The following KIAA0586 variants were observed in gnomAD, a reference collection of about 807,000 sequenced individuals.
KIAA0586 encodes the protein KIAA0586.
In KIAA0586, 144 loss-of-function variants were observed where a neutral mutation model predicts 169.8. The ratio of observed to expected loss-of-function variants is 0.85; its 90% CI spans 0.74 to 0.97. KIAA0586 has a LOEUF of 0.97. KIAA0586 is among the 50% of genes least tolerant of loss of function. The pLI, the probability that KIAA0586 is intolerant of heterozygous loss-of-function variation, is 0.00. For synonymous variants in KIAA0586, 625 were observed against 612.4 expected (o/e 1.02, Z -0.30); for missense variants, 1,854 against 1,823.0 (o/e 1.02, Z -0.31).
At chr14:58,495,847 A>G (rs890047775) in intron 26 of KIAA0586, among the ~76,000 whole-genome samples, 7 of 152,104 alleles carry the variant, frequency 4.6e-5, no homozygotes, top group Non-Finnish European at 1.0e-4. Context: ...TTATTTTTCT[A>G]GATTTAGATA....
chr14:58,468,597 C>T (rs1220236352), intron 16 of KIAA0586, among the ~76,000 whole-genome samples: 1 of 152,194 alleles, frequency 6.6e-6, no homozygotes, highest in African/African-American at 2.4e-5. Flanking sequence ...TCAACAGGCT[C>T]ATGTGGGAAG....
intron 20 of KIAA0586, among the ~76,000 whole-genome samples, chr14:58,481,876 C>T (rs962130923): frequency 3.4e-5 from 5 of 148,048 alleles, no homozygotes; most frequent in African/African-American, 5.0e-5. Flanking sequence ...TGCAGTGGTG[C>T]GATCTCAGCT....
chr14:58,499,891 A>G (rs1332045419), intron 27 of KIAA0586, among the ~76,000 whole-genome samples: 3 of 152,232 alleles, frequency 2.0e-5, no homozygotes, highest in Admixed American at 6.5e-5. Flanking sequence ...CTAGAAAAAT[A>G]TAACGAATCC....
intron 28 of KIAA0586, among the ~76,000 whole-genome samples, chr14:58,510,149 TCACGA>T (rs2044287386): frequency 6.6e-6 from 1 of 152,152 alleles, no homozygotes; most frequent in Admixed American, 6.5e-5. Flanking sequence ...GGCAGGTGGA[TCACGA>T]GGTCAAGAGA....
intron 27 of KIAA0586, among the ~76,000 whole-genome samples, chr14:58,502,841 T>C (rs1055213217): frequency 5.3e-5 from 8 of 152,198 alleles, no homozygotes; most frequent in African/African-American, 1.9e-4. Context: ...AGACTATAAC[T>C]GTGGTCCATA....
At position 58,432,392 on chromosome 14, in the gene KIAA0586, T is replaced by A. The variant is rs778492541; in HGVS notation, c.345T>A (p.Asn115Lys). ...TTTTGTGTCTTGATTTTGCAGCAAATGACATCTTCATTTCTCAGTATACAA... is the reference window on the plus strand; with the variant it reads ...TTTTGTGTCTTGATTTTGCAGCAAAAGACATCTTCATTTCTCAGTATACAA... ...KIEENNKQKANDIFISQYTMG... is the reference protein window; with the variant it reads ...KIEENNKQKAKDIFISQYTMG... The change falls in exon 4 of 31, where the codon AAT (asparagine) becomes AAA (lysine). Residue 115 changes from asparagine to lysine, a missense_variant. Physicochemically the swap from Asn to Lys is moderately conservative, Grantham distance 94. Coordinates refer to ENST00000652326, the MANE Select transcript of KIAA0586 (RefSeq NM_001329943.3). The A allele has an allele frequency of 6.5e-7, 1 of 1,539,772 alleles. No individual in the cohort carries two copies. The highest frequency in any genetic ancestry group is 1.7e-4 in the Middle Eastern group (1 of 5,908).
intron 4 of KIAA0586, 90 bp from the exon 5 acceptor site, chr14:58,442,616 C>A: frequency 1.0e-6 from 1 of 978,928 alleles, no homozygotes; most frequent in Non-Finnish European, 1.4e-6. Context: ...AAATCAAAAC[C>A]ACCTTCGGCA....
At chr14:58,469,320 C>T (rs1414966106) in intron 16 of KIAA0586, among the ~76,000 whole-genome samples, 1 of 152,236 alleles carries the variant, frequency 6.6e-6, no homozygotes, top group Admixed American at 6.5e-5. Context: ...AAAGCCCTGG[C>T]TGCAGAATCT....
intron 29 of KIAA0586, 112 bp from the exon 30 acceptor site, chr14:58,539,959 G>T: frequency 3.3e-6 from 2 of 610,088 alleles, no homozygotes; most frequent in Non-Finnish European, 2.8e-6. Context: ...CTGGTTTTAT[G>T]AGAATAACGG....
chr14:58,477,334 C>T (rs532468480), intron 20 of KIAA0586, 93 bp downstream of exon 20: 176 of 664,438 alleles, frequency 2.6e-4, no homozygotes, highest in Admixed American at 1.6e-3. Flanking sequence ...AGTAAATTCT[C>T]CAGTAACAAA....
At chr14:58,557,901 CTTTTTTTTTTTTTTT>C in the KIAA0586 span, among the ~76,000 whole-genome samples, 18 of 42,508 alleles carry the variant, frequency 4.2e-4, 1 homozygote, top group East Asian at 7.5e-3. Flanking sequence ...CCTGAGAAAT[CTTTTTTTTTTTTTTT>C]TTTTTTTTTT....
In KIAA0586 at chr14:58,547,952, A is replaced by T; in HGVS notation, c.*20A>T. ...TTCTGAACGGGAAGAGACAGCCAGC[A>T]CAGTGTTTATGCCACTGGTTTTAAA... On this transcript the variant is annotated 3_prime_UTR_variant, in exon 31 of 31. Transcript: ENST00000652326. 1 of 1,612,746 alleles carries T rather than the reference A, an allele frequency of 6.2e-7. No individual in the cohort carries two copies. The highest frequency in any genetic ancestry group is 8.5e-7 in the Non-Finnish European group (1 of 1,179,178).
In KIAA0586 at chr14:58,493,058, G is replaced by A. The variant is rs146778377; in HGVS notation, c.3990+783G>A. On this transcript the variant is annotated intron_variant, in intron 26 of 30. Coordinates refer to ENST00000652326, the MANE Select transcript of KIAA0586 (RefSeq NM_001329943.3). ...GAGTTGCCTTAGGAAGGAGTATGAA[G>A]CCATAAACAAATGAGGGAGACATGG... Among the ~76,000 whole-genome samples, 237 of 152,196 alleles carry A rather than the reference G, an allele frequency of 1.6e-3. No individual in the cohort carries two copies. In the Middle Eastern group the frequency reaches 0.031, roughly 20 times the overall value.
chr14:58,456,931 T>C, intron 10 of KIAA0586, 121 bp downstream of exon 10: 1 of 634,742 alleles, frequency 1.6e-6, no homozygotes, highest in Non-Finnish European at 2.8e-6. Context: ...AAAAGATATG[T>C]CAGCCACATC....
At chr14:58,544,478 C>G (rs2046858245) in intron 30 of KIAA0586, among the ~76,000 whole-genome samples, 4 of 152,118 alleles carry the variant, frequency 2.6e-5, no homozygotes, top group Non-Finnish European at 5.9e-5. Context: ...CTAATTTACC[C>G]TCCTACCAAG....
intron 29 of KIAA0586, among the ~76,000 whole-genome samples, chr14:58,518,544 T>A (rs2044938363): frequency 6.6e-6 from 1 of 152,164 alleles, no homozygotes; most frequent in African/African-American, 2.4e-5. Flanking sequence ...AAACTTGTGT[T>A]TTTTACTGGC....
chr14:58,453,893 A>G (rs370794617), intron 9 of KIAA0586, among the ~76,000 whole-genome samples: 2 of 152,302 alleles, frequency 1.3e-5, no homozygotes, highest in South Asian at 4.1e-4. Context: ...TTTACATAAT[A>G]AAAAGTTTTA....
rs776223723 is a variant in KIAA0586 at position 58,544,227 on chromosome 14, C to G, written c.4496-3554C>G. ...TTCTTTTTTATGGCTGCATGGTATT[C>G]CTTGGTATACATGTACCACAGTTTC... is the stretch of plus-strand genomic sequence containing the variant. On this transcript the variant is annotated intron_variant, in intron 30 of 30. Transcript: ENST00000652326. 2.3e-4 allele frequency among the ~76,000 whole-genome samples: 35 copies of G among 152,208 alleles called. 1 individual carries two copies. The highest frequency in any genetic ancestry group is 6.5e-5 in the Admixed American group (1 of 15,286).
intron 11 of KIAA0586, 48 bp from the exon 12 acceptor site, chr14:58,458,425 C>A: frequency 9.9e-7 from 1 of 1,006,048 alleles, no homozygotes; most frequent in South Asian, 1.5e-5. Context: ...AAGTCCTGCT[C>A]AGGACAGTAA....
Sources: gnomAD v4.1 joint callset for allele counts (sites outside exome capture counted in the v4.1 genomes callset) on GRCh38, gnomAD v4.1.1 for gene constraint, MANE v1.5 for transcripts, NCBI Gene and HGNC (gene_info 2026-07-23, HGNC 2026-07-21) for gene names.